Variants in COL26A1 observed in about 807,000 individuals in gnomAD.
The protein encoded by COL26A1 is collagen type XXVI alpha 1 chain, also known as collagen alpha-1(XXVI) chain.
COL26A1 carries 41 observed loss-of-function variants against 59.3 expected under a neutral mutation model. That is an observed-to-expected ratio of 0.69 (90% confidence interval 0.54 to 0.90). The LOEUF is 0.90. Ranked by LOEUF, COL26A1 falls within the 40% of genes least tolerant of loss-of-function variation. COL26A1 has a pLI of 0.00. For synonymous variants in COL26A1, 266 were observed against 256.0 expected, an observed-to-expected ratio of 1.04 and a Z score of -0.37; for missense variants, 612 against 602.3, an observed-to-expected ratio of 1.02 and a Z score of -0.17.
intron 3 of COL26A1, among the ~76,000 whole-genome samples, chr7:101,513,364 G>A (rs541502181): frequency 2.3e-4 from 34 of 149,838 alleles, no homozygotes; most frequent in African/African-American, 8.4e-4. Flanking sequence ...AGACAGAGTC[G>A]CCCACGCCAC....
intron 3 of COL26A1, among the ~76,000 whole-genome samples, chr7:101,490,396 G>A (rs115806160): frequency 0.029 from 4,412 of 151,974 alleles, 80 homozygotes; most frequent in South Asian, 0.062. Context: ...TTTTATGGGC[G>A]GCCCATGATA....
At chr7:101,518,926 C>T (rs764986771) in intron 3 of COL26A1, among the ~76,000 whole-genome samples, 11 of 152,168 alleles carry the variant, frequency 7.2e-5, no homozygotes, top group Non-Finnish European at 8.8e-5. Context: ...CTGTCCCCAA[C>T]GGAGGGCCAA....
rs990292717 is a variant in COL26A1 at position 101,484,514 on chromosome 7, G to A, written c.385+36727G>A. Among the ~76,000 whole-genome samples, 3 of 151,714 alleles carry A rather than the reference G, an allele frequency of 2.0e-5. No individual in the cohort carries two copies. The East Asian group carries it at 5.8e-4, about 29-fold the overall frequency. ...GCCTCCTGAGTTGCTGGGATTACAGGTGCCCACCACCACACCCGGCTAATT... is the reference window on the plus strand; with the variant it reads ...GCCTCCTGAGTTGCTGGGATTACAGATGCCCACCACCACACCCGGCTAATT... On this transcript the variant is annotated intron_variant, in intron 3 of 12. Transcript: ENST00000313669.
At chr7:101,367,870 T>C (rs566764107) in intron 1 of COL26A1, among the ~76,000 whole-genome samples, 4 of 152,246 alleles carry the variant, frequency 2.6e-5, no homozygotes, top group Admixed American at 2.6e-4. Flanking sequence ...AGCCATTCAG[T>C]CTGTGGTATT....
chr7:101,466,835 T>TGAGA (rs1554416669), intron 3 of COL26A1, among the ~76,000 whole-genome samples: 47 of 81,578 alleles, frequency 5.8e-4, no homozygotes, highest in African/African-American at 2.0e-3. Flanking sequence ...TGTGTGTGTG[T>TGAGA]GTGAGAGAGA....
intron 11 of COL26A1, among the ~76,000 whole-genome samples, chr7:101,553,706 G>A (rs1795908644): frequency 6.6e-6 from 1 of 152,208 alleles, no homozygotes; most frequent in Non-Finnish European, 1.5e-5. Flanking sequence ...TCAGGCTGCA[G>A]AGTCCCTCTC....
chr7:101,428,753 C>G (rs994285218), intron 2 of COL26A1, among the ~76,000 whole-genome samples: 6 of 151,922 alleles, frequency 3.9e-5, no homozygotes, highest in Non-Finnish European at 7.4e-5. Context: ...ATCCTCCTGC[C>G]TCGCTCGGCC....
intron 1 of COL26A1, among the ~76,000 whole-genome samples, chr7:101,387,647 T>TTATA: frequency 7.4e-6 from 1 of 135,308 alleles, no homozygotes; most frequent in East Asian, 2.1e-4. Context: ...CTCTCTCTCT[T>TTATA]TATATATATA....
chr7:101,371,234 A>G (rs998987609), intron 1 of COL26A1, among the ~76,000 whole-genome samples: 2 of 152,182 alleles, frequency 1.3e-5, no homozygotes, highest in Admixed American at 6.5e-5. Flanking sequence ...ATGGAGGAAG[A>G]GCTCAGCAGA....
At chr7:101,448,132 G>A (rs1793245844) in intron 3 of COL26A1, among the ~76,000 whole-genome samples, 1 of 152,252 alleles carries the variant, frequency 6.6e-6, no homozygotes, top group Non-Finnish European at 1.5e-5. Flanking sequence ...GGCAGGCAGA[G>A]TTGGATATCT....
intron 1 of COL26A1, among the ~76,000 whole-genome samples, chr7:101,389,727 A>G (rs971324808): frequency 6.6e-6 from 1 of 151,918 alleles, no homozygotes; most frequent in African/African-American, 2.4e-5. Flanking sequence ...CTAATTATGT[A>G]CTTTTAGTAG....
intron 1 of COL26A1, among the ~76,000 whole-genome samples, chr7:101,387,754 T>G (rs4729702): frequency 2.3e-3 from 215 of 94,998 alleles, no homozygotes; most frequent in Non-Finnish European, 3.7e-3. Flanking sequence ...ATATATATAT[T>G]TATATATATA....
At chr7:101,381,376 T>C (rs1294367901) in intron 1 of COL26A1, among the ~76,000 whole-genome samples, 1 of 152,174 alleles carries the variant, frequency 6.6e-6, no homozygotes, top group Admixed American at 6.6e-5. Flanking sequence ...GTTGGGCTCA[T>C]CTGGATACCC....
At chr7:101,522,575 G>A (rs1795159970) in intron 3 of COL26A1, among the ~76,000 whole-genome samples, 1 of 152,152 alleles carries the variant, frequency 6.6e-6, no homozygotes, top group Admixed American at 6.6e-5. Flanking sequence ...TTCCACTGGA[G>A]TAACAGGGAC....
chr7:101,400,731 G>A (rs1033542850), intron 1 of COL26A1, among the ~76,000 whole-genome samples: 1 of 151,942 alleles, frequency 6.6e-6, no homozygotes, highest in African/African-American at 2.4e-5. Flanking sequence ...GCTAAGTTTT[G>A]TATTTTTAGT....
intron 3 of COL26A1, among the ~76,000 whole-genome samples, chr7:101,460,522 C>T (rs1343371973): frequency 6.6e-6 from 1 of 152,256 alleles, no homozygotes; most frequent in Non-Finnish European, 1.5e-5. Flanking sequence ...GTGGCTCACA[C>T]CTGTAATCCC....
chr7:101,367,719 G>A (rs1015907348), intron 1 of COL26A1, among the ~76,000 whole-genome samples: 1 of 151,098 alleles, frequency 6.6e-6, no homozygotes, highest in African/African-American at 2.4e-5. Flanking sequence ...CTCTCTCTTT[G>A]CCATGTGAGG....
intron 6 of COL26A1, 130 bp from the exon 7 acceptor site, chr7:101,545,208 G>A (rs1188727642): frequency 6.7e-6 from 5 of 743,050 alleles, no homozygotes; most frequent in African/African-American, 1.8e-5. Context: ...GTGGATCGGA[G>A]GTCACCACTG....
rs535988454 is a variant in COL26A1 at position 101,486,661 on chromosome 7, C to G, written c.385+38874C>G. Among the ~76,000 whole-genome samples the G allele has an allele frequency of 1.8e-3, 281 of 152,354 alleles. 1 individual carries two copies. The highest frequency in any genetic ancestry group is 6.6e-3 in the African/African-American group (274 of 41,592). On this transcript the variant is annotated intron_variant, in intron 3 of 12. Transcript: ENST00000313669. The stretch of plus-strand genomic sequence containing the variant: ...GTACATCTGTTGTTAATCCACATCC[C>G]GGTGGAACGGAGATGCCAACACGCC...
Sources: allele counts gnomAD v4.1 joint callset (sites outside exome capture counted in the v4.1 genomes callset), GRCh38; gene constraint gnomAD v4.1.1; transcripts MANE v1.5; gene names NCBI Gene and HGNC (gene_info 2026-07-23, HGNC 2026-07-21).